Variants in TGFA observed in about 807,000 individuals in gnomAD.
TGFA encodes protransforming growth factor alpha.
In TGFA, 12 loss-of-function variants were observed where a neutral mutation model predicts 21.7. The ratio of observed to expected loss-of-function variants is 0.55; its 90% CI spans 0.35 to 0.90. TGFA has a LOEUF of 0.90. Among genes scored for constraint, TGFA ranks in the 40% least tolerant of loss-of-function variants. TGFA has a pLI of 0.01. For synonymous variants in TGFA, 79 were observed against 88.1 expected, an observed-to-expected ratio of 0.90 and a Z score of 0.58; for missense variants, 178 against 210.8, an observed-to-expected ratio of 0.84 and a Z score of 0.96.
intron 3 of TGFA, among the ~76,000 whole-genome samples, chr2:70,460,206 T>A (rs977980303): frequency 6.6e-6 from 1 of 152,128 alleles, no homozygotes; most frequent in African/African-American, 2.4e-5. Flanking sequence ...CACCTTTAGA[T>A]CAATTAAATC....
intron 2 of TGFA, among the ~76,000 whole-genome samples, chr2:70,482,921 G>A (rs531097875): frequency 1.3e-5 from 2 of 152,288 alleles, no homozygotes; most frequent in Admixed American, 6.5e-5. Flanking sequence ...ATCAACAAAT[G>A]TTTTCTGAAG....
chr2:70,470,047 GAGA>G (rs1360337713), intron 2 of TGFA, among the ~76,000 whole-genome samples: 2 of 151,762 alleles, frequency 1.3e-5, no homozygotes, highest in African/African-American at 4.8e-5. Context: ...GAGAAACAGC[GAGA>G]AGGAGAGAGA....
At chr2:70,493,775 T>A (rs1574101355) in intron 2 of TGFA, among the ~76,000 whole-genome samples, 1 of 152,218 alleles carries the variant, frequency 6.6e-6, no homozygotes, top group South Asian at 2.1e-4. Context: ...ACCTTAGTGA[T>A]GAAGAAAAGG....
intron 1 of TGFA, among the ~76,000 whole-genome samples, chr2:70,529,319 T>G (rs1475526143): frequency 6.6e-6 from 1 of 152,240 alleles, no homozygotes; most frequent in Non-Finnish European, 1.5e-5. Context: ...CTCTCCTATT[T>G]GAGCAGCAGC....
intron 2 of TGFA, among the ~76,000 whole-genome samples, chr2:70,509,652 G>A (rs1672032169): frequency 6.6e-6 from 1 of 152,200 alleles, no homozygotes; most frequent in Non-Finnish European, 1.5e-5. Context: ...CAGAAGTTCA[G>A]AGGTTTAAAG....
chr2:70,466,077 T>G (rs1006688768), intron 2 of TGFA, among the ~76,000 whole-genome samples: 7 of 152,206 alleles, frequency 4.6e-5, no homozygotes, highest in Admixed American at 1.3e-4. Context: ...TTTAGATAGC[T>G]GTCATAAGAA....
intron 3 of TGFA, among the ~76,000 whole-genome samples, chr2:70,463,908 T>C (rs1670474113): frequency 6.6e-6 from 1 of 152,346 alleles, no homozygotes; most frequent in Admixed American, 6.5e-5. Context: ...TCATGAATAA[T>C]GACAGTGTCT....
At chr2:70,519,687 C>T (rs1331250056) in intron 1 of TGFA, among the ~76,000 whole-genome samples, 3 of 152,206 alleles carry the variant, frequency 2.0e-5, no homozygotes, top group African/African-American at 7.2e-5. Context: ...GGAAATACTT[C>T]ATGATTATGA....
intron 3 of TGFA, 55 bp from the exon 4 acceptor site, chr2:70,456,543 A>C: frequency 3.9e-6 from 6 of 1,540,494 alleles, no homozygotes; most frequent in Non-Finnish European, 5.3e-6. Context: ...TTGTTACCCT[A>C]GCTCTCCAGG....
intron 3 of TGFA, 92 bp downstream of exon 3, chr2:70,465,524 C>T: frequency 6.5e-7 from 1 of 1,527,984 alleles, no homozygotes. Context: ...GGTCTCGGAG[C>T]CTCTGGCAAG....
chr2:70,509,158 G>A (rs928754573), intron 2 of TGFA, among the ~76,000 whole-genome samples: 1 of 152,164 alleles, frequency 6.6e-6, no homozygotes, highest in African/African-American at 2.4e-5. Context: ...TTTGGAGCAG[G>A]TGAGCCATGT....
chr2:70,542,929 C>T (rs1376068970), intron 1 of TGFA, among the ~76,000 whole-genome samples: 1 of 151,756 alleles, frequency 6.6e-6, no homozygotes, highest in African/African-American at 2.4e-5. Flanking sequence ...ATGGTGAAAC[C>T]CTATCTCTAC....
chr2:70,514,374 C>T (rs80181295), intron 2 of TGFA, among the ~76,000 whole-genome samples: 3,792 of 151,808 alleles, frequency 0.025, 165 homozygotes, highest in African/African-American at 0.087. Context: ...CCCAAGCTCT[C>T]CACTATTTTG....
intron 2 of TGFA, among the ~76,000 whole-genome samples, chr2:70,496,154 C>T (rs1671573200): frequency 6.6e-6 from 1 of 152,068 alleles, no homozygotes; most frequent in South Asian, 2.1e-4. Context: ...GGTGGTGTTA[C>T]CAGAGCAGTA....
chr2:70,514,808 G>GC, intron 2 of TGFA, 51 bp downstream of exon 2: 1 of 1,593,424 alleles, frequency 6.3e-7, no homozygotes, highest in Non-Finnish European at 8.6e-7. Flanking sequence ...ACAGCAGCAG[G>GC]CCCGCTCCCT....
chr2:70,527,158 C>T (rs1553503073), intron 1 of TGFA, among the ~76,000 whole-genome samples: 1 of 152,214 alleles, frequency 6.6e-6, no homozygotes, highest in Non-Finnish European at 1.5e-5. Flanking sequence ...TAGATGCTTA[C>T]AGTAGCTTTA....
intron 1 of TGFA, among the ~76,000 whole-genome samples, chr2:70,519,598 C>T (rs1431985638): frequency 2.0e-5 from 3 of 152,156 alleles, no homozygotes; most frequent in Non-Finnish European, 4.4e-5. Flanking sequence ...TATCCATAAA[C>T]TCATTGGGAT....
At chr2:70,517,093 T>C (rs1449702136) in intron 1 of TGFA, among the ~76,000 whole-genome samples, 1 of 152,234 alleles carries the variant, frequency 6.6e-6, no homozygotes, top group Non-Finnish European at 1.5e-5. Context: ...CTCCCCAGCC[T>C]TGGGGCAAAT....
chr2:70,535,096 G>C (rs1254265547), intron 1 of TGFA, among the ~76,000 whole-genome samples: 3 of 152,086 alleles, frequency 2.0e-5, no homozygotes, highest in Admixed American at 6.6e-5. Flanking sequence ...TGCTAGGTGG[G>C]TTAAAGGAGT....
Sources: gnomAD v4.1 joint callset for allele counts (sites outside exome capture counted in the v4.1 genomes callset) on GRCh38, gnomAD v4.1.1 for gene constraint, MANE v1.5 for transcripts, NCBI Gene and HGNC (gene_info 2026-07-23, HGNC 2026-07-21) for gene names.